BNC2: variants seen among roughly 807,000 people sequenced by gnomAD.
BNC2 encodes the protein zinc finger protein basonuclin-2.
BNC2 carries 20 observed loss-of-function variants against 76.3 expected under a neutral mutation model. The observed-to-expected ratio is 0.26, with a 90% CI of 0.18 to 0.38. BNC2 has a LOEUF of 0.38. Ranked by LOEUF, BNC2 falls within the 10% of genes least tolerant of loss-of-function variation. BNC2 has a pLI of 1.00. For synonymous variants in BNC2, 582 were observed against 514.8 expected, an observed-to-expected ratio of 1.13 and a Z score of -1.77; for missense variants, 1,382 against 1,399.8, an observed-to-expected ratio of 0.99 and a Z score of 0.20.
intron 5 of BNC2, among the ~76,000 whole-genome samples, chr9:16,452,081 C>A: frequency 6.6e-6 from 1 of 152,112 alleles, no homozygotes; most frequent in Non-Finnish European, 1.5e-5. Context: ...TCCCCAGGAC[C>A]AATGGTGCAG....
At chr9:16,753,214 G>C (rs568089904) in intron 1 of BNC2, among the ~76,000 whole-genome samples, 1 of 152,124 alleles carries the variant, frequency 6.6e-6, no homozygotes, top group African/African-American at 2.4e-5. Flanking sequence ...TCTTCAAAAA[G>C]ATTTTAGAGT....
intron 5 of BNC2, among the ~76,000 whole-genome samples, chr9:16,456,538 A>C (rs984881143): frequency 6.6e-6 from 1 of 151,844 alleles, no homozygotes. Context: ...CTCAAAAAAA[A>C]AAAAAAAAAA....
chr9:16,426,268 G>A (rs936424136), intron 6 of BNC2, among the ~76,000 whole-genome samples: 3 of 150,736 alleles, frequency 2.0e-5, no homozygotes, highest in Non-Finnish European at 2.9e-5. Context: ...GATTTTAGAA[G>A]ATATATTTCC....
chr9:16,868,436 G>T (rs900949592), intron 1 of BNC2, among the ~76,000 whole-genome samples: 6 of 152,074 alleles, frequency 3.9e-5, no homozygotes, highest in African/African-American at 1.4e-4. Flanking sequence ...TCAAATAGAA[G>T]AAAAAATCAG....
chr9:16,501,104 G>A (rs1822507572), intron 5 of BNC2, among the ~76,000 whole-genome samples: 1 of 128,330 alleles, frequency 7.8e-6, no homozygotes, highest in Non-Finnish European at 1.6e-5. Flanking sequence ...AATAAAGTTA[G>A]TAATCATACT....
At chr9:16,826,249 A>G (rs1228873671) in intron 1 of BNC2, among the ~76,000 whole-genome samples, 1 of 121,694 alleles carries the variant, frequency 8.2e-6, no homozygotes, top group African/African-American at 3.2e-5. Context: ...CCCATAACCC[A>G]GAGACTTGCT....
At chr9:16,796,999 A>G (rs1302799391) in intron 1 of BNC2, among the ~76,000 whole-genome samples, 1 of 152,248 alleles carries the variant, frequency 6.6e-6, no homozygotes, top group Non-Finnish European at 1.5e-5. Context: ...TTGTTAAGGT[A>G]GCTACCTGAC....
At chr9:16,515,564 A>AGTGAGGACTCGGAG (rs1822857885) in intron 5 of BNC2, among the ~76,000 whole-genome samples, 2 of 152,062 alleles carry the variant, frequency 1.3e-5, no homozygotes, top group Non-Finnish European at 2.9e-5. Flanking sequence ...TCTGACGCTT[A>AGTGAGGACTCGGAG]GTGAGGACTC....
At chr9:16,794,953 G>A (rs377168896) in intron 1 of BNC2, among the ~76,000 whole-genome samples, 3 of 151,516 alleles carry the variant, frequency 2.0e-5, no homozygotes, top group African/African-American at 7.3e-5. Flanking sequence ...TTAGTGATAA[G>A]TTCATGATAA....
chr9:16,825,478 T>C (rs1818432200), intron 1 of BNC2, among the ~76,000 whole-genome samples: 1 of 152,158 alleles, frequency 6.6e-6, no homozygotes, highest in Non-Finnish European at 1.5e-5. Flanking sequence ...TTTTTACAGA[T>C]GCTTCTAGTT....
intron 4 of BNC2, among the ~76,000 whole-genome samples, chr9:16,558,784 C>T (rs960047999): frequency 4.0e-5 from 6 of 151,868 alleles, no homozygotes; most frequent in Non-Finnish European, 8.8e-5. Context: ...CAAAAATTGT[C>T]CAGGCACGGT....
At position 16,722,332 on chromosome 9, in the gene BNC2, C is replaced by G. The variant is rs371797148; in HGVS notation, c.330+5465G>C. Among the ~76,000 whole-genome samples, 10 of 152,316 alleles carry G rather than the reference C, an allele frequency of 6.6e-5. No homozygotes were observed. The East Asian group carries it at 7.7e-4, about 12-fold the overall frequency. ...AGGGAGGATTTGCCGTGGCTCTTAA[C>G]CCTGACATGGGAGTGGGAGGATGTG... On this transcript the variant is annotated intron_variant, in intron 3 of 6. Transcript: ENST00000380672.
At chr9:16,831,499 T>C (rs1818577340) in intron 1 of BNC2, among the ~76,000 whole-genome samples, 1 of 152,212 alleles carries the variant, frequency 6.6e-6, no homozygotes, top group African/African-American at 2.4e-5. Flanking sequence ...TGGCAAATAA[T>C]GCGTTGACTC....
intron 3 of BNC2, among the ~76,000 whole-genome samples, chr9:16,718,774 C>A (rs1292698467): frequency 1.3e-5 from 2 of 152,138 alleles, no homozygotes; most frequent in Non-Finnish European, 2.9e-5. Flanking sequence ...TTGGGGAAAG[C>A]CACCCACAGG....
chr9:16,438,961 T>C (rs997551834), intron 5 of BNC2, among the ~76,000 whole-genome samples: 4 of 152,120 alleles, frequency 2.6e-5, no homozygotes, highest in African/African-American at 9.7e-5. Flanking sequence ...CCAAATGTCA[T>C]GGGAGGGAGC....
intron 3 of BNC2, among the ~76,000 whole-genome samples, chr9:16,619,350 T>A (rs949810741): frequency 2.0e-5 from 3 of 149,578 alleles, no homozygotes; most frequent in South Asian, 4.2e-4. Context: ...AAAAAAAAAA[T>A]ACCAAAAAGC....
At chr9:16,545,372 C>G in intron 5 of BNC2, among the ~76,000 whole-genome samples, 1 of 152,168 alleles carries the variant, frequency 6.6e-6, no homozygotes, top group East Asian at 1.9e-4. Flanking sequence ...GCAAGTGGTA[C>G]TACTAAGTGC....
At chr9:16,782,039 C>G (rs1826167729) in intron 1 of BNC2, among the ~76,000 whole-genome samples, 1 of 151,996 alleles carries the variant, frequency 6.6e-6, no homozygotes, top group Non-Finnish European at 1.5e-5. Context: ...GTAATCTCAA[C>G]ACTTTGGGAG....
chr9:16,711,368 T>C (rs1303091729), intron 3 of BNC2, among the ~76,000 whole-genome samples: 1 of 152,212 alleles, frequency 6.6e-6, no homozygotes, highest in Non-Finnish European at 1.5e-5. Context: ...CATTCCTCGC[T>C]AGTTGCAGTA....
Sources: gnomAD v4.1 joint callset for allele counts (sites outside exome capture counted in the v4.1 genomes callset) on GRCh38, gnomAD v4.1.1 for gene constraint, MANE v1.5 for transcripts, NCBI Gene and HGNC (gene_info 2026-07-23, HGNC 2026-07-21) for gene names.